OTOF: variants seen among roughly 807,000 people sequenced by gnomAD.
The protein encoded by OTOF is fer-1-like family member 2.
In OTOF, 218 loss-of-function variants were observed where a neutral mutation model predicts 236.8. The observed-to-expected ratio is 0.92, with a 90% CI of 0.82 to 1.03. The LOEUF is 1.03. Among genes scored for constraint, OTOF ranks in the 50% least tolerant of loss-of-function variants. The pLI is 0.00. For missense variants in OTOF, 2,590 were observed against 2,694.4 expected (o/e 0.96, Z 0.86); for synonymous variants, 1,041 against 1,072.5 (o/e 0.97, Z 0.57).
At chr2:26,532,820 T>G (rs751757786) in intron 2 of OTOF, among the ~76,000 whole-genome samples, 3 of 152,166 alleles carry the variant, frequency 2.0e-5, no homozygotes, top group Non-Finnish European at 4.4e-5. Flanking sequence ...CAAAAAAGGT[T>G]TCCCTGATGT....
At chr2:26,493,090 C>T (rs1665888114) in intron 9 of OTOF, among the ~76,000 whole-genome samples, 1 of 152,162 alleles carries the variant, frequency 6.6e-6, no homozygotes, top group South Asian at 2.1e-4. Context: ...GAGACTTGTC[C>T]AGTCAGGATG....
chr2:26,466,114 T>A (rs1364115394), intron 36 of OTOF, 38 bp from the exon 37 acceptor site: 1 of 1,613,310 alleles, frequency 6.2e-7, no homozygotes, highest in South Asian at 1.1e-5. Flanking sequence ...CAGGCTCCCA[T>A]GCCCTGCTCA....
chr2:26,532,283 G>A (rs1026379685), intron 2 of OTOF, among the ~76,000 whole-genome samples: 1 of 152,080 alleles, frequency 6.6e-6, no homozygotes, highest in African/African-American at 2.4e-5. Context: ...AAGGCTGGTT[G>A]GTGGCAGAGG....
chr2:26,471,182 T>A, intron 30 of OTOF, 32 bp from the exon 31 acceptor site: 1 of 1,613,738 alleles, frequency 6.2e-7, no homozygotes, highest in Non-Finnish European at 8.5e-7. Flanking sequence ...AGGGGCAGAA[T>A]CAGCCACTGG....
chr2:26,538,985 G>A (rs1258641491), intron 1 of OTOF, among the ~76,000 whole-genome samples: 1 of 151,992 alleles, frequency 6.6e-6, no homozygotes, highest in African/African-American at 2.4e-5. Context: ...GCTAATTTTT[G>A]TATTTTTAGT....
chr2:26,527,788 C>G, intron 3 of OTOF, 44 bp downstream of exon 3: 1 of 1,426,632 alleles, frequency 7.0e-7, no homozygotes, highest in South Asian at 1.1e-5. Flanking sequence ...AGCAGGCTCC[C>G]AGCCCGTCCA....
chr2:26,530,000 G>A (rs1265765948), intron 2 of OTOF, among the ~76,000 whole-genome samples: 1 of 152,168 alleles, frequency 6.6e-6, no homozygotes, highest in African/African-American at 2.4e-5. Flanking sequence ...CTGCTTTTAT[G>A]GGGCTGCAGG....
chr2:26,521,015 C>T (rs943222614), intron 3 of OTOF, among the ~76,000 whole-genome samples: 1 of 152,140 alleles, frequency 6.6e-6, no homozygotes, highest in Non-Finnish European at 1.5e-5. Flanking sequence ...TATAAATACT[C>T]CCGCCATGGC....
Position 26,465,939 on chromosome 2 carries a change from G to A in OTOF, c.4628+10C>T. The A allele has an allele frequency of 1.9e-6, 3 of 1,614,250 alleles. No individual in the cohort carries two copies. The highest frequency in any genetic ancestry group is 2.5e-6 in the Non-Finnish European group (3 of 1,180,038). On this transcript the variant is annotated intron_variant, in intron 37 of 46. Coordinates refer to ENST00000272371, the MANE Select transcript of OTOF (RefSeq NM_194248.3). ...GGGGTGTGGCAGGGGAGGGCACCAA[G>A]AAGCCTTACTTCCCAAAGACAGGGT...
intron 5 of OTOF, chr2:26,510,884 C>G (rs1344726993): frequency 7.8e-6 from 3 of 382,462 alleles, no homozygotes; most frequent in Non-Finnish European, 1.5e-5. Context: ...CCTCTCACCC[C>G]ACAGCTTCGC....
chr2:26,460,197 T>C lies in OTOF; in HGVS notation c.5822A>G (p.Asp1941Gly). 6.2e-7 allele frequency: 1 copy of C among 1,602,704 alleles called. No individual in the cohort carries two copies. The change falls in exon 46 of 47, where the codon GAC (aspartate) becomes GGC (glycine). Residue 1941 changes from aspartate (D) to glycine (G), a missense_variant. By Grantham distance (94) the Asp-to-Gly change is moderately conservative (BLOSUM62 -1). This residue lies in a region of OTOF where 1,211 missense variants were observed against 1,352.8 expected (regional missense o/e 0.90). Transcript: ENST00000272371. The surrounding 1 kb of genome is among the most constrained non-coding windows in gnomAD (Gnocchi z 5.3). ...GTTCAGGAACCAGATGAAGCTCGTG[T>C]CGGGCCGGCTGGAGTATGAAGGGTA... is the stretch of plus-strand genomic sequence containing the variant. ...PDPLEKPNRP[D>G]TSFIWFLNPL...
chr2:26,503,143 G>A (rs980945921), intron 6 of OTOF, among the ~76,000 whole-genome samples: 1 of 152,224 alleles, frequency 6.6e-6, no homozygotes, highest in African/African-American at 2.4e-5. Flanking sequence ...AGGGCAGCCG[G>A]GAGCCCCGAT....
intron 1 of OTOF, among the ~76,000 whole-genome samples, chr2:26,554,918 C>T (rs1667549255): frequency 1.3e-5 from 2 of 152,186 alleles, no homozygotes; most frequent in Non-Finnish European, 2.9e-5. Context: ...AATCCCCAAA[C>T]CTCATGTCTT....
At chr2:26,479,205 T>G in intron 18 of OTOF, 59 bp downstream of exon 18, 10 of 1,597,954 alleles carry the variant, frequency 6.3e-6, no homozygotes, top group Non-Finnish European at 8.5e-6. Context: ...GGGAAGGCCC[T>G]CTGACAGCGC....
intron 9 of OTOF, among the ~76,000 whole-genome samples, chr2:26,492,023 T>G (rs1360494539): frequency 6.6e-6 from 1 of 152,194 alleles, no homozygotes; most frequent in Admixed American, 6.5e-5. Flanking sequence ...AGATAATTAG[T>G]CAGAAATAAT....
chr2:26,537,160 G>C (rs1195598948), intron 2 of OTOF, among the ~76,000 whole-genome samples: 1 of 152,216 alleles, frequency 6.6e-6, no homozygotes, highest in Non-Finnish European at 1.5e-5. Flanking sequence ...CCCCAGAGCT[G>C]TTTCTGAAAA....
rs1436256716 is a variant in OTOF at position 26,477,603 on chromosome 2, C to T, written c.2315+46G>A. The T allele has an allele frequency of 1.2e-6, 2 of 1,608,836 alleles. No homozygotes were observed. Among genetic ancestry groups the T allele is most frequent in the Non-Finnish European group, 1.7e-6 (2 of 1,177,600 alleles). ...CAGCCCTGGCAGGGTCCCCTTTGTC[C>T]AGTTCCGCCTCATCCTCCCCCCACC... On this transcript the variant is annotated intron_variant, in intron 19 of 46. Coordinates refer to ENST00000272371, the MANE Select transcript of OTOF (RefSeq NM_194248.3). This position sits in a 1 kb window ranked among gnomAD's most constrained non-coding sequence, Gnocchi z 4.7.
chr2:26,499,096 G>A (rs1666056829), intron 8 of OTOF, among the ~76,000 whole-genome samples: 1 of 152,172 alleles, frequency 6.6e-6, no homozygotes, highest in Admixed American at 6.5e-5. Flanking sequence ...GCCAGGAAGA[G>A]ATGGTAATAA....
At position 26,476,992 on chromosome 2, in the gene OTOF, G is replaced by T. The variant is rs199603169; in HGVS notation, c.2575C>A (p.Arg859Ser). Reference protein sequence around the residue: ...IFIWMMSNNKRVAYARVPSKD... With the variant: ...IFIWMMSNNKSVAYARVPSKD... ...GAGGGCACACGGGCATAGGCGACAC[G>T]CTTGTTGTTGCTCATCATCCAGATG... The change falls in exon 22 of 47, where the codon CGT becomes AGT. Residue 859 changes from arginine to serine, a missense_variant. Transcript: ENST00000272371. 1.9e-6 allele frequency: 3 copies of T among 1,611,454 alleles called. No homozygotes were observed. In the South Asian group the frequency reaches 3.3e-5, roughly 18 times the overall value.
Sources: allele counts gnomAD v4.1 joint callset (sites outside exome capture counted in the v4.1 genomes callset), GRCh38; gene constraint gnomAD v4.1.1; regional missense constraint gnomAD v4.1.1; non-coding constraint Gnocchi (gnomAD v3.1); transcripts MANE v1.5; gene names NCBI Gene and HGNC (gene_info 2026-07-23, HGNC 2026-07-21).